The following CSRNP3 variants were observed in gnomAD, a reference collection of about 807,000 sequenced individuals.
The protein encoded by CSRNP3 is cysteine/serine-rich nuclear protein 3.
CSRNP3 carries 12 observed loss-of-function variants against 48.0 expected under a neutral mutation model. That is an observed-to-expected ratio of 0.25 (90% CI 0.16 to 0.41). The LOEUF is 0.41. CSRNP3 is among the 10% of genes least tolerant of loss of function. The pLI, the probability that CSRNP3 is intolerant of heterozygous loss-of-function variation, is 1.00. For synonymous variants in CSRNP3, 263 were observed against 269.7 expected, an observed-to-expected ratio of 0.98 and a Z score of 0.24; for missense variants, 580 against 724.4, an observed-to-expected ratio of 0.80 and a Z score of 2.29.
At chr2:165,677,240 C>G (rs1404846105) in intron 6 of CSRNP3, among the ~76,000 whole-genome samples, 1 of 152,178 alleles carries the variant, frequency 6.6e-6, no homozygotes, top group Non-Finnish European at 1.5e-5. Flanking sequence ...TGGATCACAG[C>G]CACATTTTTT....
intron 2 of CSRNP3, among the ~76,000 whole-genome samples, chr2:165,510,597 A>G (rs1684488619): frequency 6.6e-6 from 1 of 152,102 alleles, no homozygotes; most frequent in Non-Finnish European, 1.5e-5. Flanking sequence ...CATTTTCACT[A>G]AGGAGCTAGG....
chr2:165,607,335 A>G (rs371487242), intron 4 of CSRNP3, among the ~76,000 whole-genome samples: 1 of 152,196 alleles, frequency 6.6e-6, no homozygotes, highest in Non-Finnish European at 1.5e-5. Flanking sequence ...TTGGCCATCA[A>G]TTAGAACTAA....
At chr2:165,640,486 C>T (rs1247680323) in intron 4 of CSRNP3, among the ~76,000 whole-genome samples, 1 of 152,172 alleles carries the variant, frequency 6.6e-6, no homozygotes, top group East Asian at 1.9e-4. Flanking sequence ...TGGTATGTTT[C>T]ACTCCAAAGC....
At chr2:165,608,872 C>T (rs1258993189) in intron 4 of CSRNP3, among the ~76,000 whole-genome samples, 3 of 142,704 alleles carry the variant, frequency 2.1e-5, no homozygotes, top group Non-Finnish European at 4.5e-5. Context: ...GGGCAGATCA[C>T]GAGGTCAGGA....
intron 3 of CSRNP3, among the ~76,000 whole-genome samples, chr2:165,546,415 A>G (rs563384768): frequency 1.3e-5 from 2 of 152,174 alleles, no homozygotes; most frequent in South Asian, 2.1e-4. Context: ...CTGGTCTTGA[A>G]TTCCTGACCT....
chr2:165,526,871 A>C (rs1684738584), intron 3 of CSRNP3, among the ~76,000 whole-genome samples: 1 of 152,212 alleles, frequency 6.6e-6, no homozygotes, highest in African/African-American at 2.4e-5. Context: ...GTCATTATGT[A>C]TCATAAATCT....
chr2:165,665,840 C>CAAGG (rs1365478019), intron 5 of CSRNP3, among the ~76,000 whole-genome samples: 31 of 116,912 alleles, frequency 2.7e-4, no homozygotes, highest in African/African-American at 1.0e-3. Flanking sequence ...AGAAAGGAAG[C>CAAGG]AAGGAAGGAA....
At chr2:165,634,109 C>T (rs1311362015) in intron 4 of CSRNP3, among the ~76,000 whole-genome samples, 2 of 152,190 alleles carry the variant, frequency 1.3e-5, no homozygotes, top group Non-Finnish European at 2.9e-5. Context: ...GAGGCCAAGG[C>T]AGGCGGATCT....
chr2:165,590,115 A>T (rs1308708407), intron 3 of CSRNP3, among the ~76,000 whole-genome samples: 1 of 152,212 alleles, frequency 6.6e-6, no homozygotes, highest in Non-Finnish European at 1.5e-5. Flanking sequence ...CCCTACTCAG[A>T]TATGCATGAA....
intron 3 of CSRNP3, among the ~76,000 whole-genome samples, chr2:165,560,729 C>CT (rs943385167): frequency 6.6e-6 from 1 of 152,174 alleles, no homozygotes; most frequent in Non-Finnish European, 1.5e-5. Context: ...GGTGTACTCT[C>CT]TAAAAGCAAA....
intron 1 of CSRNP3, among the ~76,000 whole-genome samples, chr2:165,479,232 G>T (rs1684008256): frequency 6.6e-6 from 1 of 151,938 alleles, no homozygotes. Flanking sequence ...TACACACACA[G>T]AAACACATTA....
Position 165,685,827 on chromosome 2 carries a change from G to T in CSRNP3, c.*6074G>T, listed in dbSNP as rs752285391. 3 of 152,024 alleles carry T rather than the reference G, an allele frequency of 2.0e-5. No homozygotes were observed. The highest frequency in any genetic ancestry group is 6.6e-5 in the Admixed American group (1 of 15,222). The allele number at this position is 152,024 out of a possible 1,614,324, so 9.4% of individuals were successfully genotyped here. A position where few individuals can be genotyped will look rare whatever the true frequency, so the allele number is the denominator to read the frequency against. On this transcript the variant is annotated 3_prime_UTR_variant, in exon 7 of 7. Coordinates refer to ENST00000651982, the MANE Select transcript of CSRNP3 (RefSeq NM_001172173.2). ...ATAGAATTTATTTTGGATAACATTT[G>T]TATTCAGCATGCTAATGATGTAACT... is the stretch of plus-strand genomic sequence containing the variant.
At chr2:165,626,784 T>C (rs1686443359) in intron 4 of CSRNP3, among the ~76,000 whole-genome samples, 1 of 152,190 alleles carries the variant, frequency 6.6e-6, no homozygotes, top group African/African-American at 2.4e-5. Flanking sequence ...TTCCATACTT[T>C]TAAATGTAAG....
At chr2:165,663,514 G>A (rs73013304) in intron 5 of CSRNP3, among the ~76,000 whole-genome samples, 1,670 of 152,312 alleles carry the variant, frequency 0.011, 36 homozygotes, top group African/African-American at 0.038. Context: ...GACTGAAAGG[G>A]TGGGCTGCAG....
chr2:165,547,125 T>C (rs1685040582), intron 3 of CSRNP3, among the ~76,000 whole-genome samples: 1 of 152,182 alleles, frequency 6.6e-6, no homozygotes, highest in African/African-American at 2.4e-5. Flanking sequence ...TTGGTATTCT[T>C]TCTGCTTTGA....
rs928383207 is a variant in CSRNP3, at chr2:165,679,442, C to G, written c.1447C>G (p.Gln483Glu). The G allele has an allele frequency of 1.2e-5, 19 of 1,612,916 alleles. No individual in the cohort carries two copies. The highest frequency in any genetic ancestry group is 1.5e-5 in the Non-Finnish European group (18 of 1,179,600). The change falls in exon 7 of 7, where the codon CAA becomes GAA. Residue 483 changes from glutamine to glutamate, a missense_variant. Physicochemically the swap from Gln to Glu is conservative, Grantham distance 29 (BLOSUM62 2). This residue lies in a region of CSRNP3 where 369 missense variants were observed against 380.8 expected (regional missense o/e 0.97). Transcript: ENST00000651982. ...TPEQFVDYAR[Q>E]AEEAYGASHY... Reference sequence around the variant, plus strand: ...GGAGCAATTCGTTGACTATGCCCGACAAGCAGAAGAGGCCTATGGTGCCTC... The same window carrying G: ...GGAGCAATTCGTTGACTATGCCCGAGAAGCAGAAGAGGCCTATGGTGCCTC...
chr2:165,534,295 A>AT (rs1684853819), intron 3 of CSRNP3, among the ~76,000 whole-genome samples: 1 of 151,902 alleles, frequency 6.6e-6, no homozygotes, highest in South Asian at 2.1e-4. Context: ...GCTGATGCAC[A>AT]TTTTTTGGTA....
intron 1 of CSRNP3, among the ~76,000 whole-genome samples, chr2:165,484,478 A>C (rs1405183030): frequency 6.6e-6 from 1 of 152,178 alleles, no homozygotes; most frequent in African/African-American, 2.4e-5. Flanking sequence ...TAACGTACAC[A>C]ACAAATACAA....
chr2:165,473,984 T>C (rs1322338547), intron 1 of CSRNP3, among the ~76,000 whole-genome samples: 2 of 152,144 alleles, frequency 1.3e-5, no homozygotes, highest in East Asian at 3.9e-4. Context: ...CATGATCTCA[T>C]ATCATGGCCT....
Sources: allele counts gnomAD v4.1 joint callset (sites outside exome capture counted in the v4.1 genomes callset), GRCh38; gene constraint gnomAD v4.1.1; regional missense constraint gnomAD v4.1.1; transcripts MANE v1.5; gene names NCBI Gene and HGNC (gene_info 2026-07-23, HGNC 2026-07-21).